H2BC12: variants seen among roughly 807,000 people sequenced by gnomAD.
The protein encoded by H2BC12 is histone H2B type 1-K.
H2BC12 carries 6 observed loss-of-function variants against 6.3 expected under a neutral mutation model. The ratio of observed to expected loss-of-function variants is 0.95; its 90% CI spans 0.52 to 1.87. The LOEUF is 1.87. Ranked by LOEUF, H2BC12 falls within the 40% of genes most tolerant of loss-of-function variation. H2BC12 has a pLI of 0.01. For missense variants in H2BC12, 119 were observed against 178.4 expected, an observed-to-expected ratio of 0.67 and a Z score of 1.90; for synonymous variants, 132 against 78.5, an observed-to-expected ratio of 1.68 and a Z score of -3.60.
the H2BC12 span, chr6:27,139,769 G>A: frequency 1.5e-6 from 2 of 1,312,540 alleles, no homozygotes; most frequent in African/African-American, 1.5e-5. Flanking sequence ...AGATTAACTC[G>A]ACGCCGAAAA....
downstream of H2BC12, among the ~76,000 whole-genome samples, chr6:27,146,032 A>G (rs12193820): frequency 0.07 from 10,708 of 152,302 alleles, 613 homozygotes; most frequent in Non-Finnish European, 0.087. Flanking sequence ...ACGCCATTAC[A>G]TGGTGGAAAG....
downstream of H2BC12, among the ~76,000 whole-genome samples, chr6:27,142,087 A>G (rs1177469403): frequency 6.6e-6 from 1 of 152,238 alleles, no homozygotes; most frequent in African/African-American, 2.4e-5. Flanking sequence ...TATTCTAATT[A>G]CAGATCAAGA....
At position 27,146,808 on chromosome 6, in the gene H2BC12, G is replaced by A. The variant is rs746464750; in HGVS notation, c.-10C>T. 4.8e-5 allele frequency: 77 copies of A among 1,613,160 alleles called. No homozygotes were observed. Among genetic ancestry groups the A allele is most frequent in the Middle Eastern group, 1.6e-4 (1 of 6,062 alleles). ...TCGCTGGTTCCGGCATGTTGAAGGC[G>A]AACTACGAGCCTGAGACGAGCAGCA... On this transcript the variant is annotated 5_prime_UTR_variant, in exon 1 of 1. Transcript: ENST00000356950.
downstream of H2BC12, among the ~76,000 whole-genome samples, chr6:27,144,153 C>T (rs1053117964): frequency 3.3e-5 from 5 of 152,166 alleles, no homozygotes; most frequent in South Asian, 6.2e-4. Flanking sequence ...TTTTTGATTC[C>T]TTCAAGCTGT....
At chr6:27,144,188 G>A (rs1335275577), downstream of H2BC12, among the ~76,000 whole-genome samples, 3 of 152,028 alleles carry the variant, frequency 2.0e-5, no homozygotes, top group Non-Finnish European at 4.4e-5. Flanking sequence ...TCAGCCGGGC[G>A]TGGTGGCTCA....
downstream of H2BC12, among the ~76,000 whole-genome samples, chr6:27,144,820 G>A (rs188252250): frequency 1.6e-3 from 248 of 152,170 alleles, no homozygotes; most frequent in African/African-American, 5.6e-3. Flanking sequence ...TATTTGCGAC[G>A]GAGTTTTGCT....
chr6:27,144,517 T>C (rs141516145), downstream of H2BC12, among the ~76,000 whole-genome samples: 1,357 of 144,006 alleles, frequency 9.4e-3, 73 homozygotes, highest in Non-Finnish European at 4.0e-3. Context: ...TGAGATCATT[T>C]TGAAGGGAGA....
In H2BC12 at chr6:27,146,553, C is replaced by A. The variant is rs774576935; in HGVS notation, c.246G>T (p.Ala82=). 3.1e-6 allele frequency: 5 copies of A among 1,614,092 alleles called. No individual in the cohort carries two copies. In the Admixed American group the frequency reaches 6.7e-5, roughly 22 times the overall value. The change falls in exon 1 of 1, where the codon GCG becomes GCT. Residue 82 remains alanine, a synonymous_variant. Coordinates refer to ENST00000356950, the MANE Select transcript of H2BC12 (RefSeq NM_001312653.2). ...ERIAGEASRL[A]HYNKRSTITS... ...TGATGGTCGAGCGCTTGTTGTAATG[C>A]GCCAGGCGGGAAGCCTCACCCGCGA...
In H2BC12 at chr6:27,146,427, G is replaced by A. The variant is rs749982552; in HGVS notation, c.372C>T (p.Ser124=). The A allele has an allele frequency of 2.7e-5, 44 of 1,614,114 alleles. No individual in the cohort carries two copies. Among genetic ancestry groups the A allele is most frequent in the Admixed American group, 3.3e-5 (2 of 60,010 alleles). ...EGTKAVTKYT[S]AK The stretch of plus-strand genomic sequence containing the variant: ...CGCTTACTTGGCAAGTTTACTTAGC[G>A]CTGGTGTACTTGGTGACGGCCTTGG... Residue 124 remains serine, a synonymous_variant, in exon 1 of 1, where the codon AGC becomes AGT. Transcript: ENST00000356950.
downstream of H2BC12, among the ~76,000 whole-genome samples, chr6:27,146,174 A>T (rs1197643183): frequency 6.6e-6 from 1 of 152,100 alleles, no homozygotes; most frequent in Admixed American, 6.5e-5. Flanking sequence ...CACATCCCTA[A>T]TTTTTTAGGC....
chr6:27,146,825 C>A lies in H2BC12; in HGVS notation c.-27G>T, dbSNP rs574690888. On this transcript the variant is annotated 5_prime_UTR_variant, in exon 1 of 1. Coordinates refer to ENST00000356950, the MANE Select transcript of H2BC12 (RefSeq NM_001312653.2). Reference sequence around the variant, plus strand: ...TTGAAGGCGAACTACGAGCCTGAGACGAGCAGCAGATCGAGAAAACGGGAA... The same window carrying A: ...TTGAAGGCGAACTACGAGCCTGAGAAGAGCAGCAGATCGAGAAAACGGGAA... 1.9e-6 allele frequency: 3 copies of A among 1,607,486 alleles called. No individual in the cohort carries two copies. In the African/African-American group the frequency reaches 4.0e-5, roughly 22 times the overall value.
downstream of H2BC12, among the ~76,000 whole-genome samples, chr6:27,141,859 G>A (rs1760010547): frequency 6.6e-6 from 1 of 152,198 alleles, no homozygotes; most frequent in East Asian, 1.9e-4. Context: ...TTTGCATAGT[G>A]CCCTAGTGGG....
At chr6:27,141,558 A>C (rs1182049096), downstream of H2BC12, among the ~76,000 whole-genome samples, 2 of 152,162 alleles carry the variant, frequency 1.3e-5, no homozygotes, top group African/African-American at 4.8e-5. Flanking sequence ...AAGCCATCAC[A>C]GAGAGTAGTA....
chr6:27,139,255 T>TAA, the H2BC12 span: 9 of 1,532,204 alleles, frequency 5.9e-6, no homozygotes, highest in Non-Finnish European at 7.9e-6. Context: ...AGGTTACCCA[T>TAA]AAAAGAAAGC....
downstream of H2BC12, among the ~76,000 whole-genome samples, chr6:27,141,474 A>C (rs1398263100): frequency 6.6e-6 from 1 of 152,186 alleles, no homozygotes; most frequent in Admixed American, 6.5e-5. Context: ...CCAGGAGCAT[A>C]GATTCAAATT....
At chr6:27,141,903 T>C (rs561002711), downstream of H2BC12, among the ~76,000 whole-genome samples, 15 of 152,314 alleles carry the variant, frequency 9.8e-5, no homozygotes, top group Non-Finnish European at 1.8e-4. Flanking sequence ...GAGTGTCTTA[T>C]GGTATAGCAC....
chr6:27,138,328 G>T, the H2BC12 span, among the ~76,000 whole-genome samples: 104 of 152,268 alleles, frequency 6.8e-4, 1 homozygote, highest in South Asian at 0.019. Context: ...TAAGGTACAG[G>T]GCTGAGGACC....
chr6:27,146,288 A>T (rs1760078859), downstream of H2BC12: 85 of 1,449,962 alleles, frequency 5.9e-5, no homozygotes, highest in Non-Finnish European at 8.0e-5. Flanking sequence ...GATCATGATA[A>T]TCCCTTTAAA....
chr6:27,146,357 A>T, downstream of H2BC12: 2 of 1,607,528 alleles, frequency 1.2e-6, no homozygotes, highest in Non-Finnish European at 1.7e-6. Flanking sequence ...TAATATCGAT[A>T]ATTTAAGTGG....
Sources: gnomAD v4.1 joint callset for allele counts (sites outside exome capture counted in the v4.1 genomes callset) on GRCh38, gnomAD v4.1.1 for gene constraint, MANE v1.5 for transcripts, NCBI Gene and HGNC (gene_info 2026-07-23, HGNC 2026-07-21) for gene names.